Variants in CEP192 observed in about 807,000 individuals in gnomAD.
CEP192 encodes centrosomal protein of 192 kDa.
In CEP192, 151 loss-of-function variants were observed where a neutral mutation model predicts 271.8. The ratio of observed to expected loss-of-function variants is 0.56; its 90% CI spans 0.49 to 0.64. CEP192 has a LOEUF of 0.64. CEP192 is among the 30% of genes least tolerant of loss of function. The probability of loss-of-function intolerance (pLI) is 0.00; values close to 1 mark genes in which losing one functional copy is unlikely to be tolerated. For synonymous variants in CEP192, 995 were observed against 1,076.5 expected, an observed-to-expected ratio of 0.92 and a Z score of 1.48; for missense variants, 2,910 against 3,020.5, an observed-to-expected ratio of 0.96 and a Z score of 0.86.
chr18:13,107,723 T>A (rs1181459224), intron 40 of CEP192, among the ~76,000 whole-genome samples: 1 of 152,204 alleles, frequency 6.6e-6, no homozygotes, highest in Non-Finnish European at 1.5e-5. Flanking sequence ...TAACCTCCAA[T>A]TGAATTGTTT....
intron 11 of CEP192, among the ~76,000 whole-genome samples, chr18:13,036,391 C>A (rs2035919164): frequency 6.6e-6 from 1 of 152,106 alleles, no homozygotes; most frequent in African/African-American, 2.4e-5. Context: ...TAGTGGGGAG[C>A]CTCCGTCATG....
At chr18:13,036,568 C>T (rs570419469) in intron 11 of CEP192, among the ~76,000 whole-genome samples, 1 of 152,380 alleles carries the variant, frequency 6.6e-6, no homozygotes, top group African/African-American at 2.4e-5. Flanking sequence ...GATTCTGATG[C>T]CTCAAGCAGG....
At chr18:13,025,039 T>A (rs1485659489) in intron 9 of CEP192, among the ~76,000 whole-genome samples, 1 of 152,206 alleles carries the variant, frequency 6.6e-6, no homozygotes, top group Non-Finnish European at 1.5e-5. Flanking sequence ...CCCAAAGTGC[T>A]GGAATTACAG....
chr18:13,107,430 T>C (rs1350860459), intron 40 of CEP192, among the ~76,000 whole-genome samples: 3 of 152,174 alleles, frequency 2.0e-5, no homozygotes, highest in African/African-American at 7.2e-5. Context: ...AAAGAATGTT[T>C]TTGGAAAGCA....
At chr18:13,107,284 G>T (rs889890455) in intron 40 of CEP192, among the ~76,000 whole-genome samples, 12 of 152,160 alleles carry the variant, frequency 7.9e-5, no homozygotes, top group African/African-American at 2.9e-4. Flanking sequence ...AACACTTAAG[G>T]TCAGGAGTTT....
chr18:13,045,093 A>G lies in CEP192; in HGVS notation c.2067+2759A>G, dbSNP rs187350691. 1.6e-4 allele frequency among the ~76,000 whole-genome samples: 24 copies of G among 152,272 alleles called. No homozygotes were observed. The East Asian group carries it at 2.3e-3, about 15-fold the overall frequency. On this transcript the variant is annotated intron_variant, in intron 15 of 44. Transcript: ENST00000506447. ...GATTAATATCTTAGGTTGTTAAGCT[A>G]TGTCTCTTTTGTTCATTCTATAATT...
chr18:13,024,543 A>G (rs1599102335), intron 9 of CEP192, among the ~76,000 whole-genome samples: 1 of 151,950 alleles, frequency 6.6e-6, no homozygotes, highest in African/African-American at 2.4e-5. Flanking sequence ...GCTCACTGCA[A>G]CCTCTGACTC....
chr18:13,067,127 T>C (rs544377824), intron 21 of CEP192, among the ~76,000 whole-genome samples: 1 of 152,154 alleles, frequency 6.6e-6, no homozygotes, highest in Non-Finnish European at 1.5e-5. Context: ...TACAGACATT[T>C]TTTTCTTGTC....
intron 40 of CEP192, among the ~76,000 whole-genome samples, chr18:13,105,811 G>A (rs1186063488): frequency 6.6e-6 from 1 of 152,200 alleles, no homozygotes; most frequent in Non-Finnish European, 1.5e-5. Context: ...AAGCAAAGCA[G>A]AAGAACAGGG....
intron 38 of CEP192, among the ~76,000 whole-genome samples, chr18:13,101,963 C>T (rs142987460): frequency 3.3e-5 from 5 of 152,278 alleles, no homozygotes; most frequent in African/African-American, 1.2e-4. Context: ...CTGTTCCTGC[C>T]TGGCAAGATC....
At chr18:12,994,756 G>A (rs2033105403) in intron 1 of CEP192, among the ~76,000 whole-genome samples, 1 of 152,144 alleles carries the variant, frequency 6.6e-6, no homozygotes, top group South Asian at 2.1e-4. Flanking sequence ...GCTGACCTCA[G>A]TCCTTATAAT....
intron 44 of CEP192, among the ~76,000 whole-genome samples, chr18:13,121,184 T>A (rs1308475110): frequency 6.6e-6 from 1 of 152,240 alleles, no homozygotes; most frequent in Admixed American, 6.5e-5. Context: ...CAACAAAATC[T>A]GTGTTCTTAA....
At chr18:13,093,930 T>C (rs1374404972) in intron 34 of CEP192, among the ~76,000 whole-genome samples, 1 of 152,236 alleles carries the variant, frequency 6.6e-6, no homozygotes, top group Non-Finnish European at 1.5e-5. Flanking sequence ...TCTTTTTTCT[T>C]GAGCATTCCC....
rs187179443 is a variant in CEP192 at position 13,114,241 on chromosome 18, C to T, written c.7279C>T (p.Arg2427Cys). The T allele has an allele frequency of 1.5e-5, 24 of 1,613,018 alleles. No homozygotes were observed. Among genetic ancestry groups the T allele is most frequent in the African/African-American group, 4.0e-5 (3 of 74,838 alleles). ...RRQAVSEASA[R>C]IPEQLDVTAR... ...ACAAGCTGTGTCAGAGGCTTCTGCT[C>T]GCATACCTGAGTATGTTGTTTTTGT... Residue 2427 changes from arginine to cysteine, a missense_variant, in exon 42 of 45, where the codon CGC becomes TGC. By Grantham distance (180) the Arg-to-Cys change is radical. Transcript: ENST00000506447.
intron 3 of CEP192, among the ~76,000 whole-genome samples, chr18:13,006,523 A>G (rs968273423): frequency 2.6e-5 from 4 of 152,324 alleles, no homozygotes; most frequent in Non-Finnish European, 4.4e-5. Context: ...TAACAGCTAC[A>G]TGGATACTTC....
chr18:13,025,073 G>C (rs772395881), intron 9 of CEP192, among the ~76,000 whole-genome samples: 1 of 152,126 alleles, frequency 6.6e-6, no homozygotes, highest in Non-Finnish European at 1.5e-5. Context: ...CACCCAGCCA[G>C]TTGGTGTATT....
At chr18:13,069,426 A>G (rs1251247979) in intron 26 of CEP192, among the ~76,000 whole-genome samples, 1 of 152,186 alleles carries the variant, frequency 6.6e-6, no homozygotes, top group Non-Finnish European at 1.5e-5. Context: ...TTCCTGAAAA[A>G]CATGCATGTC....
intron 44 of CEP192, among the ~76,000 whole-genome samples, chr18:13,122,267 C>T (rs755225820): frequency 6.6e-6 from 1 of 152,202 alleles, no homozygotes; most frequent in Admixed American, 6.5e-5. Flanking sequence ...ACTAAAAATA[C>T]AAAAATTAGC....
chr18:13,016,459 G>A (rs2034651256), intron 6 of CEP192, among the ~76,000 whole-genome samples: 1 of 152,220 alleles, frequency 6.6e-6, no homozygotes, highest in Admixed American at 6.5e-5. Context: ...GATGAGCGGA[G>A]TGAGCATCAC....
Sources: gnomAD v4.1 joint callset for allele counts (sites outside exome capture counted in the v4.1 genomes callset) on GRCh38, gnomAD v4.1.1 for gene constraint, MANE v1.5 for transcripts, NCBI Gene and HGNC (gene_info 2026-07-23, HGNC 2026-07-21) for gene names.